MYO9B: variants seen among roughly 807,000 people sequenced by gnomAD.
MYO9B encodes the protein unconventional myosin-IXb.
Under a neutral mutation model 229.5 loss-of-function variants are expected in MYO9B, and 71 were observed. The ratio of observed to expected loss-of-function variants is 0.31; its 90% CI spans 0.26 to 0.38. The LOEUF (loss-of-function observed/expected upper bound fraction) is 0.38, where lower values mean the gene tolerates loss of function less well. Among genes scored for constraint, MYO9B ranks in the 10% least tolerant of loss-of-function variants. The pLI is 1.00. For missense variants in MYO9B, 2,255 were observed against 2,920.5 expected, an observed-to-expected ratio of 0.77 and a Z score of 5.25; for synonymous variants, 1,185 against 1,235.8, an observed-to-expected ratio of 0.96 and a Z score of 0.86.
At chr19:17,130,791 T>A (rs1224699505) in intron 2 of MYO9B, among the ~76,000 whole-genome samples, 1 of 151,144 alleles carries the variant, frequency 6.6e-6, no homozygotes. Flanking sequence ...AAAAAAAATC[T>A]AGAATTTTTG....
chr19:17,135,640 A>C (rs896288851), intron 2 of MYO9B, among the ~76,000 whole-genome samples: 1 of 152,202 alleles, frequency 6.6e-6, no homozygotes, highest in African/African-American at 2.4e-5. Context: ...CTGAGACCGC[A>C]TACCAGACGC....
intron 30 of MYO9B, among the ~76,000 whole-genome samples, chr19:17,203,693 A>G (rs535362357): frequency 1.3e-5 from 2 of 148,442 alleles, no homozygotes; most frequent in Admixed American, 1.3e-4. Context: ...GCCATATCCC[A>G]CCCCCTCAAA....
chr19:17,192,427 T>C (rs2072995683), intron 20 of MYO9B, among the ~76,000 whole-genome samples: 1 of 151,156 alleles, frequency 6.6e-6, no homozygotes, highest in South Asian at 2.1e-4. Context: ...AAACCCTGTC[T>C]GTACTAAAAA....
At position 17,209,633 on chromosome 19, in the gene MYO9B, A is replaced by T; in HGVS notation, c.5672A>T (p.Lys1891Met). Reference protein sequence around the residue: ...IKEQMRKYKVKMEEISQLEAA... With the variant: ...IKEQMRKYKVMMEEISQLEAA... ...GAGCAGATGAGGAAATACAAAGTGAAGATGGAGGAGATCAGCCAACTGGAG... is the reference window on the plus strand; with the variant it reads ...GAGCAGATGAGGAAATACAAAGTGATGATGGAGGAGATCAGCCAACTGGAG... The change falls in exon 36 of 40, where the codon AAG (lysine) becomes ATG (methionine). Residue 1891 changes from lysine (K) to methionine (M), a missense_variant. Physicochemically the swap from Lys to Met is moderately conservative, Grantham distance 95 (BLOSUM62 -1). This residue lies in a region of MYO9B where 416 missense variants were observed against 605.5 expected (regional missense o/e 0.69). Transcript: ENST00000682292. 1.2e-6 allele frequency: 2 copies of T among 1,608,804 alleles called. No individual in the cohort carries two copies. The highest frequency in any genetic ancestry group is 1.1e-5 in the South Asian group (1 of 90,070).
Position 17,172,288 on chromosome 19 carries a change from A to G in MYO9B, c.1794-48A>G, listed in dbSNP as rs2072733262. 1.2e-6 allele frequency: 2 copies of G among 1,608,660 alleles called. No individual in the cohort carries two copies. The highest frequency in any genetic ancestry group is 2.2e-5 in the South Asian group (2 of 90,646). ...CTGCAAGATAAAATACACAGCAGGT[A>G]AATCAGCCGCTGTTCATGCCTGCAA... On this transcript the variant is annotated intron_variant, in intron 11 of 39. Coordinates refer to ENST00000682292, the MANE Select transcript of MYO9B (RefSeq NM_004145.4). The surrounding 1 kb of genome is among the most constrained non-coding windows in gnomAD (Gnocchi z 8.2).
intron 2 of MYO9B, among the ~76,000 whole-genome samples, chr19:17,141,946 T>C (rs1275241148): frequency 6.6e-6 from 1 of 151,420 alleles, no homozygotes; most frequent in East Asian, 1.9e-4. Context: ...GGAGGCCGAG[T>C]TGGAAGGATC....
At chr19:17,174,412 C>T (rs1301231750) in intron 13 of MYO9B, among the ~76,000 whole-genome samples, 3 of 151,648 alleles carry the variant, frequency 2.0e-5, no homozygotes, top group Admixed American at 1.3e-4. Context: ...CTGACGCAGA[C>T]GATCGCTTGA....
Position 17,198,335 on chromosome 19 carries a change from A to G in MYO9B, c.4238+27A>G, listed in dbSNP as rs751322683. On this transcript the variant is annotated intron_variant, in intron 24 of 39. Coordinates refer to ENST00000682292, the MANE Select transcript of MYO9B (RefSeq NM_004145.4). ...TAAGTATTGGGCTTGGGGGAAACTC[A>G]GGCCACCAGAGGATGCCCGGGGTCC... The G allele has an allele frequency of 1.3e-5, 21 of 1,610,460 alleles. No individual in the cohort carries two copies. The Admixed American group carries it at 1.8e-4, about 14-fold the overall frequency.
chr19:17,192,909 C>G lies in MYO9B; in HGVS notation c.2975C>G (p.Ser992Cys). Residue 992 changes from serine (S) to cysteine (C), a missense_variant, in exon 21 of 40, where the codon TCC becomes TGC. Transcript: ENST00000682292. The part of the protein sequence containing the change: ...AAVTIQACWR[S>C]YRVRRALERT... Reference sequence around the variant, plus strand: ...GTCACCATCCAGGCCTGCTGGCGGTCCTACCGGGTCCGGAGGGCGCTGGAG... The same window carrying G: ...GTCACCATCCAGGCCTGCTGGCGGTGCTACCGGGTCCGGAGGGCGCTGGAG... 1.3e-6 allele frequency: 2 copies of G among 1,550,024 alleles called. No individual in the cohort carries two copies. The highest frequency in any genetic ancestry group is 2.7e-5 in the African/African-American group (2 of 73,186).
At chr19:17,170,643 T>C (rs2072712551) in intron 11 of MYO9B, among the ~76,000 whole-genome samples, 1 of 51,528 alleles carries the variant, frequency 1.9e-5, no homozygotes. Context: ...AGACCCCATC[T>C]CTACAAAAAA....
intron 3 of MYO9B, among the ~76,000 whole-genome samples, chr19:17,145,888 G>A (rs56241574): frequency 0.22 from 33,183 of 152,106 alleles, 3,799 homozygotes; most frequent in African/African-American, 0.25. Flanking sequence ...TGAGGTGGTC[G>A]TGCATGGAAA....
chr19:17,136,102 C>T (rs368607731), intron 2 of MYO9B, among the ~76,000 whole-genome samples: 5 of 148,178 alleles, frequency 3.4e-5, no homozygotes, highest in South Asian at 2.2e-4. Context: ...CTTCCTGGGA[C>T]GTTATTTTAG....
At chr19:17,125,303 C>G (rs970437200) in intron 2 of MYO9B, among the ~76,000 whole-genome samples, 6 of 137,692 alleles carry the variant, frequency 4.4e-5, no homozygotes, top group African/African-American at 1.8e-4. Context: ...CCCATCCCCC[C>G]CCCCCCAAAA....
At chr19:17,148,978 C>T (rs557694296) in intron 3 of MYO9B, among the ~76,000 whole-genome samples, 1 of 152,020 alleles carries the variant, frequency 6.6e-6, no homozygotes, top group South Asian at 2.1e-4. Context: ...CTGCAAAGAT[C>T]CTTTTTTATG....
At chr19:17,175,782 T>C (rs766963452) in intron 14 of MYO9B, 41 bp downstream of exon 14, 9 of 1,392,912 alleles carry the variant, frequency 6.5e-6, no homozygotes, top group Non-Finnish European at 8.9e-6. Flanking sequence ...AATCATTAGG[T>C]GGCAGCAGCA....
At position 17,212,134 on chromosome 19, in the gene MYO9B, C is replaced by T; in HGVS notation, c.6298C>T (p.Pro2100Ser). 2 of 1,588,760 alleles carry T rather than the reference C, an allele frequency of 1.3e-6. No homozygotes were observed. ...TGCCCCAGTGCGGCGCCGGGAGCCA[C>T]CTGCCCGCCGCCCGGACCAGATACA... is the stretch of plus-strand genomic sequence containing the variant. ...AAAPVRRREP[P>S]ARRPDQIHSV... is the part of the protein sequence containing the mutation. Residue 2100 changes from proline to serine, a missense_variant, in exon 40 of 40, where the codon CCT becomes TCT. Pro to Ser is a moderately conservative substitution (Grantham distance 74). Transcript: ENST00000682292. This position sits in a 1 kb window ranked among gnomAD's most constrained non-coding sequence, Gnocchi z 5.4.
At chr19:17,153,865 T>C in intron 4 of MYO9B, 102 bp from the exon 5 acceptor site, 1 of 823,894 alleles carries the variant, frequency 1.2e-6, no homozygotes, top group Admixed American at 1.8e-5. Flanking sequence ...AATTTGTACA[T>C]ATTTGAGGTG....
chr19:17,119,004 C>G (rs938752358), intron 2 of MYO9B, among the ~76,000 whole-genome samples: 4 of 152,264 alleles, frequency 2.6e-5, no homozygotes, highest in African/African-American at 9.6e-5. Flanking sequence ...CCTCTCACCT[C>G]TCCCCTACAA....
chr19:17,206,349 C>G lies in MYO9B; in HGVS notation c.5359C>G (p.Gln1787Glu), dbSNP rs2073162127. The G allele has an allele frequency of 2.5e-6, 4 of 1,610,900 alleles. No individual in the cohort carries two copies. Among genetic ancestry groups the G allele is most frequent in the Non-Finnish European group, 3.4e-6 (4 of 1,179,606 alleles). ...GCCCGAGCCCCTCATGACCTTCGCA[C>G]AGTACGGCGACTTCCTCCGAGCCGT... ...ELPEPLMTFAQYGDFLRAVEL... is the reference protein window; with the variant it reads ...ELPEPLMTFAEYGDFLRAVEL... Residue 1787 changes from glutamine to glutamate, a missense_variant, in exon 33 of 40, where the codon CAG becomes GAG. Physicochemically the swap from Gln to Glu is conservative, Grantham distance 29. Around this residue, in one of 7 missense-constraint regions of MYO9B, gnomAD observed 416 missense variants for 605.5 expected, o/e 0.69. Transcript: ENST00000682292.
Sources: gnomAD v4.1 joint callset for allele counts (sites outside exome capture counted in the v4.1 genomes callset) on GRCh38, gnomAD v4.1.1 for gene constraint, gnomAD v4.1.1 regional missense constraint, Gnocchi (gnomAD v3.1) non-coding constraint, MANE v1.5 for transcripts, NCBI Gene and HGNC (gene_info 2026-07-23, HGNC 2026-07-21) for gene names.